Variants in ICA1 observed in about 807,000 individuals in gnomAD.
ICA1 encodes the protein islet cell autoantigen 1, also known as 69 kDa islet cell autoantigen.
ICA1 carries 40 observed loss-of-function variants against 71.0 expected under a neutral mutation model. That is an observed-to-expected ratio of 0.56 (90% CI 0.44 to 0.73). ICA1 has a LOEUF of 0.73. ICA1 is among the 30% of genes least tolerant of loss of function. The probability of loss-of-function intolerance (pLI) is 0.00; values close to 1 mark genes in which losing one functional copy is unlikely to be tolerated. For missense variants in ICA1, 578 were observed against 576.5 expected (o/e 1.00, Z -0.03); for synonymous variants, 207 against 209.5 (o/e 0.99, Z 0.10).
chr7:8,225,703 T>C (rs796189933), intron 4 of ICA1, among the ~76,000 whole-genome samples: 2 of 152,326 alleles, frequency 1.3e-5, no homozygotes, highest in South Asian at 2.1e-4. Flanking sequence ...TCTATCTGTA[T>C]AGATATTAAA....
At chr7:8,188,031 T>C (rs1302149873) in intron 6 of ICA1, among the ~76,000 whole-genome samples, 2 of 152,230 alleles carry the variant, frequency 1.3e-5, no homozygotes, top group Admixed American at 6.5e-5. Context: ...AGATGCTCAC[T>C]GCAGAGACTG....
At chr7:8,149,788 A>G (rs1798190351) in intron 8 of ICA1, among the ~76,000 whole-genome samples, 1 of 152,254 alleles carries the variant, frequency 6.6e-6, no homozygotes, top group African/African-American at 2.4e-5. Flanking sequence ...TAAAAAAAAT[A>G]AAAGTGTTCA....
At chr7:8,121,401 G>A (rs1458417498) in intron 13 of ICA1, among the ~76,000 whole-genome samples, 2 of 152,152 alleles carry the variant, frequency 1.3e-5, no homozygotes, top group Non-Finnish European at 2.9e-5. Flanking sequence ...TGACAACCTA[G>A]AGCAAGAGAC....
At position 8,127,148 on chromosome 7, in the gene ICA1, G is replaced by GTTT. The variant is rs34728476; in HGVS notation, c.1330+722_1330+724dup. On this transcript the variant is annotated intron_variant, in intron 13 of 13. Transcript: ENST00000402384. The stretch of plus-strand genomic sequence containing the variant: ...GGCATGTGCCATCATGCCTACCTAA[G>GTTT]TTTTTTTTTTTTTTGTATTTTTAGT... Among the ~76,000 whole-genome samples the GTTT allele has an allele frequency of 7.7e-3, 1,113 of 144,274 alleles. 15 individuals carry two copies. The highest frequency in any genetic ancestry group is 0.022 in the African/African-American group (863 of 39,074). The allele number at this position is 144,274 out of a possible 152,430, so 94.6% of individuals were successfully genotyped here.
At chr7:8,205,648 C>T (rs1053629427) in intron 6 of ICA1, among the ~76,000 whole-genome samples, 1 of 152,138 alleles carries the variant, frequency 6.6e-6, no homozygotes, top group African/African-American at 2.4e-5. Flanking sequence ...TGATACTACT[C>T]AAAAACTTTT....
At chr7:8,141,989 T>C (rs1318745450) in intron 9 of ICA1, 172 bp from the exon 10 acceptor site, 5 of 1,502,362 alleles carry the variant, frequency 3.3e-6, no homozygotes, top group East Asian at 5.2e-5. Flanking sequence ...GCTGGCCTTC[T>C]TTCCCTTTCT....
intron 4 of ICA1, among the ~76,000 whole-genome samples, chr7:8,221,783 T>C (rs1416805799): frequency 6.6e-6 from 1 of 152,186 alleles, no homozygotes; most frequent in Non-Finnish European, 1.5e-5. Context: ...TAGCTGCCTC[T>C]CATTATTCTC....
chr7:8,197,734 C>T (rs1788194561), intron 6 of ICA1, among the ~76,000 whole-genome samples: 1 of 151,878 alleles, frequency 6.6e-6, no homozygotes, highest in Non-Finnish European at 1.5e-5. Flanking sequence ...GGGAAAAGAG[C>T]TACCACTACT....
intron 6 of ICA1, 83 bp from the exon 7 acceptor site, chr7:8,158,735 C>A: frequency 1.5e-6 from 2 of 1,358,644 alleles, no homozygotes; most frequent in South Asian, 2.6e-5. Flanking sequence ...CAACAGCAGG[C>A]CTTTTCTCTT....
intron 6 of ICA1, among the ~76,000 whole-genome samples, chr7:8,162,148 T>C (rs1018760542): frequency 1.3e-5 from 2 of 152,252 alleles, no homozygotes; most frequent in Non-Finnish European, 2.9e-5. Flanking sequence ...GATTCTCTTA[T>C]ATCTTAGGAG....
chr7:8,183,013 C>A (rs1224333681), intron 6 of ICA1, among the ~76,000 whole-genome samples: 4 of 152,192 alleles, frequency 2.6e-5, no homozygotes, highest in African/African-American at 9.6e-5. Context: ...TTCCACAACA[C>A]AATGGTGATC....
chr7:8,127,846 C>T lies in ICA1; in HGVS notation c.1330+27G>A, dbSNP rs201337773. The T allele has an allele frequency of 3.8e-4, 587 of 1,560,702 alleles. 2 individuals are homozygous for T. The African/African-American group carries it at 6.9e-3, about 18-fold the overall frequency. On this transcript the variant is annotated intron_variant, in intron 13 of 13. Transcript: ENST00000402384. ...ACAAAAAGAATGAACAAACAAAAAA[C>T]CCCATTTCAATCCCCACCTTACCTA...
chr7:8,215,085 A>G (rs1252456053), intron 6 of ICA1, among the ~76,000 whole-genome samples: 1 of 151,884 alleles, frequency 6.6e-6, no homozygotes, highest in East Asian at 1.9e-4. Flanking sequence ...GGCCCTCGCA[A>G]TCCCTTCTCC....
intron 6 of ICA1, among the ~76,000 whole-genome samples, chr7:8,158,897 T>G (rs1025476970): frequency 3.9e-5 from 6 of 152,208 alleles, no homozygotes; most frequent in African/African-American, 1.4e-4. Flanking sequence ...AGTCTAATGT[T>G]AAAATCCTTT....
chr7:8,139,347 A>G (rs1209632088), intron 10 of ICA1, among the ~76,000 whole-genome samples: 3 of 152,246 alleles, frequency 2.0e-5, no homozygotes, highest in Non-Finnish European at 4.4e-5. Flanking sequence ...TTACTTGATG[A>G]TGCTGATGAA....
At chr7:8,252,490 T>C (rs112191711) in intron 1 of ICA1, among the ~76,000 whole-genome samples, 6,023 of 152,242 alleles carry the variant, frequency 0.04, 369 homozygotes, top group African/African-American at 0.13. Flanking sequence ...CTTTATCATC[T>C]AAGACTATGC....
In ICA1 at chr7:8,228,607, T is replaced by A. The variant is rs750829019; in HGVS notation, c.250A>T (p.Ile84Leu). ...ATACTGATGTCATACTTACAACATATCCTCTTTTGATAGAGTACAATTGCT... is the reference window on the plus strand; with the variant it reads ...ATACTGATGTCATACTTACAACATAACCTCTTTTGATAGAGTACAATTGCT... ...SKAIVLYQKR[I>L]CFLSQEENEL... Residue 84 changes from isoleucine to leucine, a missense_variant, in exon 4 of 14, where the codon ATA becomes TTA. Transcript: ENST00000402384. 2.5e-6 allele frequency: 4 copies of A among 1,582,224 alleles called. No individual in the cohort carries two copies. In the South Asian group the frequency reaches 3.4e-5, roughly 14 times the overall value.
intron 7 of ICA1, among the ~76,000 whole-genome samples, chr7:8,157,953 G>T (rs2128194069): frequency 6.6e-6 from 1 of 152,194 alleles, no homozygotes; most frequent in South Asian, 2.1e-4. Flanking sequence ...GCCTCCCAAA[G>T]TGCTAGGATT....
intron 6 of ICA1, among the ~76,000 whole-genome samples, chr7:8,192,718 G>A (rs548956385): frequency 6.6e-6 from 1 of 151,186 alleles, no homozygotes; most frequent in East Asian, 1.9e-4. Flanking sequence ...TTTATTGGTT[G>A]GCTTTCTACT....
Sources: gnomAD v4.1 joint callset for allele counts (sites outside exome capture counted in the v4.1 genomes callset) on GRCh38, gnomAD v4.1.1 for gene constraint, MANE v1.5 for transcripts, NCBI Gene and HGNC (gene_info 2026-07-23, HGNC 2026-07-21) for gene names.